RALYL: variants seen among roughly 807,000 people sequenced by gnomAD.
RALYL encodes RALY RNA binding protein like, also known as RNA-binding Raly-like protein.
RALYL carries 29 observed loss-of-function variants against 35.1 expected under a neutral mutation model. That is an observed-to-expected ratio of 0.83 (90% CI 0.61 to 1.13). The LOEUF (loss-of-function observed/expected upper bound fraction) is 1.13, where lower values mean the gene tolerates loss of function less well. Among genes scored for constraint, RALYL ranks in the 50% most tolerant of loss-of-function variants. The probability of loss-of-function intolerance (pLI) is 0.00; values close to 1 mark genes in which losing one functional copy is unlikely to be tolerated. For missense variants in RALYL, 359 were observed against 360.4 expected (o/e 1.00, Z 0.03); for synonymous variants, 120 against 127.6 (o/e 0.94, Z 0.40).
chr8:84,335,675 T>C (rs929447176), intron 1 of RALYL, among the ~76,000 whole-genome samples: 13 of 148,744 alleles, frequency 8.7e-5, no homozygotes, highest in African/African-American at 3.0e-4. Context: ...CCTCAAAGAG[T>C]GGTTTAATAT....
intron 1 of RALYL, among the ~76,000 whole-genome samples, chr8:84,403,279 T>A (rs1459445979): frequency 6.6e-6 from 1 of 151,956 alleles, no homozygotes; most frequent in African/African-American, 2.4e-5. Context: ...CTTCTAGGGT[T>A]TTTATGGTTT....
chr8:84,223,519 G>T (rs962544754), intron 1 of RALYL, among the ~76,000 whole-genome samples: 2 of 152,140 alleles, frequency 1.3e-5, no homozygotes, highest in Non-Finnish European at 1.5e-5. Context: ...GCAATGATAT[G>T]CAGAAAGAAT....
chr8:84,304,258 C>T (rs1841372361), intron 1 of RALYL, among the ~76,000 whole-genome samples: 4 of 152,232 alleles, frequency 2.6e-5, no homozygotes, highest in South Asian at 4.1e-4. Context: ...GCTGGGACTA[C>T]AGGCGCCCGC....
intron 1 of RALYL, among the ~76,000 whole-genome samples, chr8:84,265,514 C>G (rs1833117777): frequency 6.6e-6 from 1 of 152,134 alleles, no homozygotes; most frequent in African/African-American, 2.4e-5. Flanking sequence ...GACCTCAGTG[C>G]TACACCCAGA....
intron 1 of RALYL, among the ~76,000 whole-genome samples, chr8:84,335,672 G>T (rs1847644576): frequency 6.9e-6 from 1 of 144,030 alleles, no homozygotes; most frequent in African/African-American, 2.6e-5. Context: ...CTACCTCAAA[G>T]AGTGGTTTAA....
chr8:84,894,867 G>C (rs1191571588), intron 8 of RALYL, among the ~76,000 whole-genome samples: 1 of 152,152 alleles, frequency 6.6e-6, no homozygotes, highest in Non-Finnish European at 1.5e-5. Context: ...AGGTTGGATG[G>C]CTTAACTGTT....
At chr8:84,425,458 C>G (rs940634128) in intron 1 of RALYL, among the ~76,000 whole-genome samples, 2 of 152,208 alleles carry the variant, frequency 1.3e-5, no homozygotes, top group Non-Finnish European at 2.9e-5. Flanking sequence ...CTGGCACTCC[C>G]TAGTGAGATG....
chr8:84,200,382 T>A (rs1451515469), intron 1 of RALYL, among the ~76,000 whole-genome samples: 1 of 152,142 alleles, frequency 6.6e-6, no homozygotes, highest in African/African-American at 2.4e-5. Flanking sequence ...AAATAGAGTT[T>A]CACAAATGTA....
intron 1 of RALYL, among the ~76,000 whole-genome samples, chr8:84,273,975 T>C (rs1310497419): frequency 2.0e-5 from 3 of 152,216 alleles, no homozygotes; most frequent in African/African-American, 7.2e-5. Flanking sequence ...GCCTCGCTTG[T>C]CCACTGCGTT....
intron 8 of RALYL, among the ~76,000 whole-genome samples, chr8:84,896,249 T>C (rs1029483513): frequency 1.3e-5 from 2 of 152,146 alleles, no homozygotes; most frequent in Non-Finnish European, 2.9e-5. Flanking sequence ...CACATTAAAG[T>C]TGCAAGGACA....
intron 1 of RALYL, among the ~76,000 whole-genome samples, chr8:84,383,091 ATAGT>A (rs1011896615): frequency 2.3e-4 from 35 of 151,930 alleles, no homozygotes; most frequent in African/African-American, 7.5e-4. Flanking sequence ...TATTTTTGAT[ATAGT>A]TATTCACTAA....
chr8:84,880,949 G>A (rs1034435238), intron 7 of RALYL, among the ~76,000 whole-genome samples: 4 of 151,828 alleles, frequency 2.6e-5, no homozygotes, highest in African/African-American at 7.3e-5. Flanking sequence ...ATTTGGAAAA[G>A]TCCTTATAAA....
chr8:84,448,497 C>T (rs1297725815), intron 1 of RALYL, among the ~76,000 whole-genome samples: 1 of 152,000 alleles, frequency 6.6e-6, no homozygotes, highest in African/African-American at 2.4e-5. Context: ...TAGTGCACCA[C>T]TTATGAAGAG....
At chr8:84,476,672 T>C (rs1410218398) in intron 1 of RALYL, among the ~76,000 whole-genome samples, 1 of 152,222 alleles carries the variant, frequency 6.6e-6, no homozygotes, top group Non-Finnish European at 1.5e-5. Flanking sequence ...TCAAATAATC[T>C]GTTTATACAG....
intron 1 of RALYL, among the ~76,000 whole-genome samples, chr8:84,236,381 C>T (rs1446002420): frequency 2.0e-5 from 3 of 152,054 alleles, no homozygotes; most frequent in South Asian, 2.1e-4. Context: ...TGAACAGTTA[C>T]CAAGAATTTA....
chr8:84,501,831 A>C (rs1341447761), intron 1 of RALYL, among the ~76,000 whole-genome samples: 1 of 149,090 alleles, frequency 6.7e-6, no homozygotes, highest in Non-Finnish European at 1.5e-5. Flanking sequence ...ATATATTAAT[A>C]AATAATATAG....
chr8:84,915,013 T>C (rs1372080535), intron 8 of RALYL, among the ~76,000 whole-genome samples: 1 of 152,056 alleles, frequency 6.6e-6, no homozygotes, highest in African/African-American at 2.4e-5. Context: ...AAATCATTCA[T>C]TCTCTGATAT....
intron 1 of RALYL, among the ~76,000 whole-genome samples, chr8:84,240,269 G>A (rs964603966): frequency 1.3e-5 from 2 of 152,106 alleles, no homozygotes; most frequent in Non-Finnish European, 2.9e-5. Context: ...ATTAAATAAT[G>A]TTTTCTAGAA....
At chr8:84,525,739 C>A (rs2058830375) in intron 1 of RALYL, among the ~76,000 whole-genome samples, 1 of 151,888 alleles carries the variant, frequency 6.6e-6, no homozygotes, top group Non-Finnish European at 1.5e-5. Flanking sequence ...CGTTCTTCTG[C>A]AGTTTCATCA....
Sources: allele counts gnomAD v4.1 joint callset (sites outside exome capture counted in the v4.1 genomes callset), GRCh38; gene constraint gnomAD v4.1.1; transcripts MANE v1.5; gene names NCBI Gene and HGNC (gene_info 2026-07-23, HGNC 2026-07-21).